LRCH3: variants seen among roughly 807,000 people sequenced by gnomAD.
The protein encoded by LRCH3 is leucine rich repeats and calponin homology domain containing 3.
Under a neutral mutation model 104.5 loss-of-function variants are expected in LRCH3, and 68 were observed. The ratio of observed to expected loss-of-function variants is 0.65; its 90% CI spans 0.54 to 0.80. The LOEUF (loss-of-function observed/expected upper bound fraction) is 0.80. Ranked by LOEUF, LRCH3 falls within the 30% of genes least tolerant of loss-of-function variation. The probability of loss-of-function intolerance (pLI) is 0.00; values close to 1 mark genes in which losing one functional copy is unlikely to be tolerated. For missense variants in LRCH3, 951 were observed against 953.9 expected (o/e 1.00, Z 0.04); for synonymous variants, 344 against 361.3 (o/e 0.95, Z 0.54).
intron 10 of LRCH3, among the ~76,000 whole-genome samples, chr3:197,842,048 C>G (rs532685122): frequency 1.3e-5 from 2 of 151,998 alleles, no homozygotes; most frequent in Admixed American, 1.3e-4. Context: ...TTGCCCAGGC[C>G]GGTCTCAGAC....
intron 1 of LRCH3, among the ~76,000 whole-genome samples, chr3:197,813,536 T>C (rs1191192664): frequency 7.7e-6 from 1 of 129,892 alleles, no homozygotes; most frequent in African/African-American, 2.9e-5. Context: ...TTTTTTTTTT[T>C]TTTTTTTTTT....
chr3:197,804,475 T>C (rs1210361004), intron 1 of LRCH3, among the ~76,000 whole-genome samples: 2 of 152,190 alleles, frequency 1.3e-5, no homozygotes, highest in Non-Finnish European at 2.9e-5. Context: ...TCGTATGTCA[T>C]CCCAGTAGGT....
chr3:197,814,860 A>G, intron 1 of LRCH3, 48 bp from the exon 2 acceptor site: 2 of 1,471,880 alleles, frequency 1.4e-6, no homozygotes, highest in African/African-American at 1.4e-5. Context: ...ATTTCAATAA[A>G]ATAAGTTCCA....
At chr3:197,814,799 A>G (rs1733619633) in intron 1 of LRCH3, 109 bp from the exon 2 acceptor site, 1 of 899,676 alleles carries the variant, frequency 1.1e-6, no homozygotes, top group Non-Finnish European at 1.6e-6. Flanking sequence ...AAGCTGTTTT[A>G]CTTTTAAAGA....
chr3:197,856,427 T>G lies in LRCH3; in HGVS notation c.1644+1982T>G, dbSNP rs1196256547. On this transcript the variant is annotated intron_variant, in intron 14 of 20. Coordinates refer to ENST00000425562, the MANE Select transcript of LRCH3 (RefSeq NM_001365715.1). The surrounding 1 kb of genome is among the most constrained non-coding windows in gnomAD (Gnocchi z 4.2). ...TATTCTTTATTTTTATTTATTTATT[T>G]AATTATTTTGAGACAGAGTCTCCCT... Among the ~76,000 whole-genome samples the G allele has an allele frequency of 6.6e-6, 1 of 152,108 alleles. No individual in the cohort carries two copies. Among genetic ancestry groups the G allele is most frequent in the Non-Finnish European group, 1.5e-5 (1 of 68,018 alleles).
chr3:197,879,975 TCG>T (rs769206460), intron 20 of LRCH3, among the ~76,000 whole-genome samples: 1 of 149,954 alleles, frequency 6.7e-6, no homozygotes, highest in Non-Finnish European at 1.5e-5. Context: ...AGACGGAGTC[TCG>T]CTCTGTCACC....
intron 20 of LRCH3, chr3:197,880,964 C>T: frequency 7.3e-7 from 1 of 1,361,750 alleles, no homozygotes; most frequent in South Asian, 1.7e-5. Context: ...ATTCTCCTGG[C>T]CTGTGGCCTT....
At chr3:197,794,930 A>G (rs1363707668) in intron 1 of LRCH3, among the ~76,000 whole-genome samples, 2 of 152,002 alleles carry the variant, frequency 1.3e-5, no homozygotes, top group Non-Finnish European at 2.9e-5. Context: ...GCTTGAACCC[A>G]GGAGGCGGAG....
In LRCH3 at chr3:197,850,753, C is replaced by T. The variant is rs990232028; in HGVS notation, c.1531-1808C>T. ...CACTGCTTGGCCTGCGCACACCTGC[C>T]AACTCCATCATTGTAACGTCGGAAT... On this transcript the variant is annotated intron_variant, in intron 12 of 20. Transcript: ENST00000425562. 4 of 1,288,774 alleles carry T rather than the reference C, an allele frequency of 3.1e-6. No individual in the cohort carries two copies. In the East Asian group the frequency reaches 9.2e-5, roughly 30 times the overall value. 79.8% of individuals were successfully genotyped at this position (1,288,774 alleles called of 1,614,324 possible).
rs146864020 is a variant in LRCH3, at chr3:197,808,549, C to T, written c.263-6359C>T. On this transcript the variant is annotated intron_variant, in intron 1 of 20. Transcript: ENST00000425562. ...TCATCTGAGAATGTGTTGATCTCCT[C>T]TTGATTCCTGAAGGACATTTTGCTG... Among the ~76,000 whole-genome samples the T allele has an allele frequency of 2.0e-5, 3 of 151,656 alleles. No individual in the cohort carries two copies. The East Asian group carries it at 5.8e-4, about 29-fold the overall frequency.
intron 5 of LRCH3, among the ~76,000 whole-genome samples, chr3:197,828,843 G>C (rs1292948886): frequency 6.6e-6 from 1 of 151,366 alleles, no homozygotes; most frequent in Non-Finnish European, 1.5e-5. Context: ...GAGTAGCTGG[G>C]ATTACAAGCG....
chr3:197,881,831 G>A (rs1342855810), intron 20 of LRCH3: 2 of 985,260 alleles, frequency 2.0e-6, no homozygotes, highest in African/African-American at 1.7e-5. Context: ...CCTGAGGGAG[G>A]AGCATAACAT....
At chr3:197,797,674 A>G (rs774387747) in intron 1 of LRCH3, among the ~76,000 whole-genome samples, 57 of 151,878 alleles carry the variant, frequency 3.8e-4, no homozygotes, top group Non-Finnish European at 6.8e-4. Context: ...CAGTCTGCCC[A>G]ACACGGTGAA....
chr3:197,860,515 G>A (rs979660929), intron 15 of LRCH3, among the ~76,000 whole-genome samples: 5 of 152,114 alleles, frequency 3.3e-5, no homozygotes, highest in African/African-American at 7.2e-5. Context: ...GCAGTGAGCT[G>A]TGATCACACC....
chr3:197,847,599 A>T, intron 11 of LRCH3, 139 bp downstream of exon 11: 1 of 368,446 alleles, frequency 2.7e-6, no homozygotes, highest in Admixed American at 8.4e-5. Flanking sequence ...TAACATATGT[A>T]CGTGATACTT....
chr3:197,848,131 C>T, intron 12 of LRCH3, 110 bp downstream of exon 12: 1 of 1,076,592 alleles, frequency 9.3e-7, no homozygotes, highest in Non-Finnish European at 1.3e-6. Context: ...ATTTTTCTCT[C>T]TGTAAGGAAT....
At position 197,832,303 on chromosome 3, in the gene LRCH3, T is replaced by C; in HGVS notation, c.1088T>C (p.Val363Ala). 1 of 1,613,706 alleles carries C rather than the reference T, an allele frequency of 6.2e-7. No individual in the cohort carries two copies. The highest frequency in any genetic ancestry group is 8.5e-7 in the Non-Finnish European group (1 of 1,179,642). ...QYQENRGSLV[V>A]TNGGVEHDLD... The stretch of plus-strand genomic sequence containing the variant: ...CAAGAGAACCGCGGCAGTTTGGTAG[T>C]AACAAACGGCGGAGGTAAACATAAT... The change falls in exon 8 of 21, where the codon GTA (valine) becomes GCA (alanine). Residue 363 changes from valine (V) to alanine (A), a missense_variant. Physicochemically the swap from Val to Ala is moderately conservative, Grantham distance 64. Transcript: ENST00000425562.
chr3:197,797,874 CAAAAAAAACAAAA>C, intron 1 of LRCH3, among the ~76,000 whole-genome samples: 1 of 15,786 alleles, frequency 6.3e-5, no homozygotes, highest in South Asian at 4.4e-3. Flanking sequence ...AAAAAAAAAA[CAAAAAAAACAAAA>C]AAAAAAACAA....
At position 197,883,544 on chromosome 3, in the gene LRCH3, C is replaced by A; in HGVS notation, c.2212C>A (p.Gln738Lys). 6.5e-7 allele frequency: 1 copy of A among 1,535,356 alleles called. No homozygotes were observed. Among genetic ancestry groups the A allele is most frequent in the Non-Finnish European group, 8.7e-7 (1 of 1,146,626 alleles). Residue 738 changes from glutamine (Q) to lysine (K), a missense_variant, in exon 21 of 21, where the codon CAA becomes AAA. Coordinates refer to ENST00000425562, the MANE Select transcript of LRCH3 (RefSeq NM_001365715.1). This position sits in a 1 kb window ranked among gnomAD's most constrained non-coding sequence, Gnocchi z 4.2. Reference sequence around the variant, plus strand: ...CATGTTACGTTGTCCCTTTCAGGAGCAATTATGTTTGCCTCTCCACATTTT... The same window carrying A: ...CATGTTACGTTGTCCCTTTCAGGAGAAATTATGTTTGCCTCTCCACATTTT... Reference protein sequence around the residue: ...ACRKIGVPQEQLCLPLHILEE... With the variant: ...ACRKIGVPQEKLCLPLHILEE...
Sources: gnomAD v4.1 joint callset for allele counts (sites outside exome capture counted in the v4.1 genomes callset) on GRCh38, gnomAD v4.1.1 for gene constraint, Gnocchi (gnomAD v3.1) non-coding constraint, MANE v1.5 for transcripts, NCBI Gene and HGNC (gene_info 2026-07-23, HGNC 2026-07-21) for gene names.